The following STAG1 variants were observed in gnomAD, a reference collection of about 807,000 sequenced individuals.
The protein encoded by STAG1 is cohesin subunit SA-1.
In STAG1, 26 loss-of-function variants were observed where a neutral mutation model predicts 170.9. The observed-to-expected ratio is 0.15, with a 90% CI of 0.11 to 0.21. STAG1 has a LOEUF of 0.21. Among genes scored for constraint, STAG1 ranks in the 10% least tolerant of loss-of-function variants. The pLI is 1.00. For synonymous variants in STAG1, 514 were observed against 497.7 expected (o/e 1.03, Z -0.44); for missense variants, 964 against 1,509.5 (o/e 0.64, Z 5.99).
rs1386338018 is a variant in STAG1, at chr3:136,543,987, C to T, written c.395-1792G>A. ...AGTTCTACAGGAAGTCAGATTCCTA[C>T]GTATGCACAGATTCAAATACTGTTT... On this transcript the variant is annotated intron_variant, in intron 5 of 33. Transcript: ENST00000383202. 2.6e-5 allele frequency among the ~76,000 whole-genome samples: 4 copies of T among 152,180 alleles called. No homozygotes were observed. In the East Asian group the frequency reaches 5.8e-4, roughly 22 times the overall value.
At chr3:136,463,735 ATGTGTGTGTG>A (rs140989476) in intron 13 of STAG1, among the ~76,000 whole-genome samples, 20 of 101,222 alleles carry the variant, frequency 2.0e-4, no homozygotes, top group African/African-American at 3.5e-4. Flanking sequence ...AAATGTGTAT[ATGTGTGTGTG>A]TGTGTGTGTG....
intron 1 of STAG1, among the ~76,000 whole-genome samples, chr3:136,685,591 CAGAT>C (rs1446294700): frequency 6.6e-6 from 1 of 152,160 alleles, no homozygotes; most frequent in Non-Finnish European, 1.5e-5. Flanking sequence ...GGTGAATAGA[CAGAT>C]AAACTGTGCT....
At chr3:136,615,503 G>A (rs1225272724) in intron 3 of STAG1, among the ~76,000 whole-genome samples, 9 of 150,606 alleles carry the variant, frequency 6.0e-5, no homozygotes, top group East Asian at 5.9e-4. Context: ...ATTCGTGGCC[G>A]GTCGGTGGCT....
intron 22 of STAG1, among the ~76,000 whole-genome samples, chr3:136,396,214 T>TTTGTTTTTG (rs2087148685): frequency 7.0e-6 from 1 of 143,044 alleles, no homozygotes; most frequent in African/African-American, 2.6e-5. Context: ...ACACAGTTTT[T>TTTGTTTTTG]TTTTTTTTTT....
intron 16 of STAG1, among the ~76,000 whole-genome samples, chr3:136,426,257 A>G (rs1377117267): frequency 6.6e-6 from 1 of 151,976 alleles, no homozygotes; most frequent in Admixed American, 6.6e-5. Flanking sequence ...AATACAAAAA[A>G]AAATTAGCTG....
intron 1 of STAG1, among the ~76,000 whole-genome samples, chr3:136,647,564 G>A (rs1042655950): frequency 4.6e-5 from 7 of 151,730 alleles, no homozygotes; most frequent in South Asian, 4.1e-4. Flanking sequence ...AGCGAAACTC[G>A]GTCTCCAAGA....
rs902721151 is a variant in STAG1 at position 136,608,641 on chromosome 3, C to G, written c.133-4168G>C. ...ACCAGCCTGAGCAACATGGCAAAAG[C>G]CCATCTCTATAAAGTTAGCTAGGGT... On this transcript the variant is annotated intron_variant, in intron 3 of 33. Coordinates refer to ENST00000383202, the MANE Select transcript of STAG1 (RefSeq NM_005862.3). Among the ~76,000 whole-genome samples, 6 of 150,000 alleles carry G rather than the reference C, an allele frequency of 4.0e-5. No individual in the cohort carries two copies. The South Asian group carries it at 8.4e-4, about 21-fold the overall frequency.
At chr3:136,501,524 A>T (rs1269365506) in intron 8 of STAG1, among the ~76,000 whole-genome samples, 1 of 152,228 alleles carries the variant, frequency 6.6e-6, no homozygotes, top group African/African-American at 2.4e-5. Flanking sequence ...TGCTGCCACC[A>T]GCCAAGCAAC....
chr3:136,612,268 T>C (rs1939335475), intron 3 of STAG1, among the ~76,000 whole-genome samples: 1 of 152,062 alleles, frequency 6.6e-6, no homozygotes, highest in Non-Finnish European at 1.5e-5. Flanking sequence ...TAACAACATG[T>C]AGGCCTTTTA....
At chr3:136,735,499 T>TGATCTCAGCTCACTGGAACCTC (rs1934283065) in intron 1 of STAG1, among the ~76,000 whole-genome samples, 3 of 151,850 alleles carry the variant, frequency 2.0e-5, no homozygotes, top group Non-Finnish European at 4.4e-5. Flanking sequence ...TGCACTGGCA[T>TGATCTCAGCTCACTGGAACCTC]GATCTCAGCT....
At chr3:136,660,203 A>G (rs1941532448) in intron 1 of STAG1, among the ~76,000 whole-genome samples, 1 of 152,178 alleles carries the variant, frequency 6.6e-6, no homozygotes, top group African/African-American at 2.4e-5. Flanking sequence ...GTCTCTTCCT[A>G]TAAAACTCTT....
intron 12 of STAG1, among the ~76,000 whole-genome samples, chr3:136,471,392 T>A (rs1576502544): frequency 6.6e-6 from 1 of 151,982 alleles, no homozygotes; most frequent in East Asian, 1.9e-4. Context: ...TTAAAATTCA[T>A]ATCAAACAAA....
chr3:136,649,824 G>A (rs1411682767), intron 1 of STAG1, among the ~76,000 whole-genome samples: 1 of 151,650 alleles, frequency 6.6e-6, no homozygotes, highest in African/African-American at 2.4e-5. Flanking sequence ...CTGGAGTGCA[G>A]TGGCACAATC....
At chr3:136,579,991 C>T (rs1304593570) in intron 4 of STAG1, among the ~76,000 whole-genome samples, 1 of 45,680 alleles carries the variant, frequency 2.2e-5, no homozygotes, top group African/African-American at 1.2e-4. Context: ...TTTTTTGAGA[C>T]GGAGTCTCAC....
intron 29 of STAG1, among the ~76,000 whole-genome samples, chr3:136,345,561 T>C (rs372598707): frequency 6.7e-6 from 1 of 149,292 alleles, no homozygotes; most frequent in East Asian, 2.0e-4. Context: ...AGTGCAGAAA[T>C]TAAAGGCATA....
At chr3:136,365,791 C>A (rs1323086035) in intron 25 of STAG1, among the ~76,000 whole-genome samples, 2 of 151,988 alleles carry the variant, frequency 1.3e-5, no homozygotes. Flanking sequence ...TAGAAAGGTT[C>A]AACATGCAAA....
chr3:136,641,167 C>A (rs905427169), intron 1 of STAG1, among the ~76,000 whole-genome samples: 1 of 152,090 alleles, frequency 6.6e-6, no homozygotes, highest in Non-Finnish European at 1.5e-5. Context: ...GAGAAAGATT[C>A]TTCTTCAAGT....
intron 21 of STAG1, among the ~76,000 whole-genome samples, chr3:136,416,014 T>C (rs1451490670): frequency 2.0e-5 from 2 of 100,852 alleles, no homozygotes; most frequent in Admixed American, 9.4e-5. Flanking sequence ...GCCATAAAAC[T>C]TTTTTTTTTT....
intron 1 of STAG1, among the ~76,000 whole-genome samples, chr3:136,655,677 C>T (rs1276881751): frequency 1.3e-5 from 2 of 151,990 alleles, no homozygotes; most frequent in African/African-American, 4.8e-5. Context: ...GCAGGAGAAT[C>T]ACTTGAACCC....
Sources: allele counts gnomAD v4.1 joint callset (sites outside exome capture counted in the v4.1 genomes callset), GRCh38; gene constraint gnomAD v4.1.1; transcripts MANE v1.5; gene names NCBI Gene and HGNC (gene_info 2026-07-23, HGNC 2026-07-21).